FNIP2: variants seen among roughly 807,000 people sequenced by gnomAD.
FNIP2 encodes the protein folliculin-interacting protein 2.
In FNIP2, 32 loss-of-function variants were observed where a neutral mutation model predicts 108.7. The ratio of observed to expected loss-of-function variants is 0.29; its 90% CI spans 0.22 to 0.40. The LOEUF is 0.40. FNIP2 is among the 10% of genes least tolerant of loss of function. The probability of loss-of-function intolerance (pLI) is 1.00; values close to 1 mark genes in which losing one functional copy is unlikely to be tolerated. For missense variants in FNIP2, 1,202 were observed against 1,381.6 expected (o/e 0.87, Z 2.06); for synonymous variants, 480 against 496.7 (o/e 0.97, Z 0.45).
intron 14 of FNIP2, among the ~76,000 whole-genome samples, chr4:158,883,123 G>A (rs1781786825): frequency 6.6e-6 from 1 of 150,706 alleles, no homozygotes; most frequent in African/African-American, 2.4e-5. Context: ...AAAAAAAAAT[G>A]AAGCCAAAGA....
chr4:158,804,701 A>G (rs568113590), intron 1 of FNIP2, among the ~76,000 whole-genome samples: 4 of 152,180 alleles, frequency 2.6e-5, no homozygotes, highest in Non-Finnish European at 5.9e-5. Flanking sequence ...CTTGATCTAC[A>G]GTAGTTTTCA....
intron 8 of FNIP2, among the ~76,000 whole-genome samples, chr4:158,853,882 A>C (rs1344480367): frequency 6.6e-6 from 1 of 152,200 alleles, no homozygotes; most frequent in Non-Finnish European, 1.5e-5. Flanking sequence ...AAGAAACTAA[A>C]AATGTTCTCA....
intron 1 of FNIP2, among the ~76,000 whole-genome samples, chr4:158,823,808 T>C (rs1246969600): frequency 1.3e-5 from 2 of 152,186 alleles, no homozygotes; most frequent in Non-Finnish European, 2.9e-5. Context: ...GTTTTGGGGC[T>C]GGCTCACACA....
chr4:158,801,779 G>C (rs1776771622), intron 1 of FNIP2, among the ~76,000 whole-genome samples: 1 of 152,186 alleles, frequency 6.6e-6, no homozygotes, highest in Non-Finnish European at 1.5e-5. Flanking sequence ...GAGCTCGTCA[G>C]ATGAGTTTAG....
intron 1 of FNIP2, among the ~76,000 whole-genome samples, chr4:158,810,898 A>C (rs1353696489): frequency 2.0e-5 from 3 of 152,190 alleles, no homozygotes; most frequent in Non-Finnish European, 4.4e-5. Flanking sequence ...ATGCTGGCTG[A>C]ACTGGTCCCC....
At chr4:158,881,704 C>T (rs1389896261) in intron 14 of FNIP2, among the ~76,000 whole-genome samples, 4 of 152,188 alleles carry the variant, frequency 2.6e-5, no homozygotes, top group African/African-American at 7.2e-5. Flanking sequence ...CTGCCAGCCT[C>T]GGCCTCCCGA....
At chr4:158,858,455 A>G (rs1203498757) in intron 8 of FNIP2, among the ~76,000 whole-genome samples, 1 of 152,218 alleles carries the variant, frequency 6.6e-6, no homozygotes, top group African/African-American at 2.4e-5. Flanking sequence ...GGCTGTCATC[A>G]TAGAAGCCGA....
intron 12 of FNIP2, 86 bp downstream of exon 12, chr4:158,861,862 C>A: frequency 6.9e-7 from 1 of 1,457,382 alleles, no homozygotes; most frequent in Non-Finnish European, 9.4e-7. Flanking sequence ...CCGGCTCTCT[C>A]ACCCAGTAAT....
At chr4:158,869,989 T>C (rs1431440307) in intron 13 of FNIP2, among the ~76,000 whole-genome samples, 4 of 152,254 alleles carry the variant, frequency 2.6e-5, no homozygotes, top group African/African-American at 9.6e-5. Context: ...TATGTCAGAT[T>C]CCTAAAGCCA....
chr4:158,858,211 A>C (rs1185110327), intron 8 of FNIP2, among the ~76,000 whole-genome samples: 3 of 152,158 alleles, frequency 2.0e-5, no homozygotes, highest in African/African-American at 7.2e-5. Flanking sequence ...TAGATGATGG[A>C]GTTAGAAAGA....
intron 7 of FNIP2, chr4:158,836,376 C>G (rs1316418422): frequency 6.6e-6 from 1 of 152,188 alleles, no homozygotes; most frequent in Non-Finnish European, 1.5e-5. Context: ...TGATTTGTTA[C>G]TGAGTCTCCA....
At chr4:158,891,221 CTTTGA>C (rs1193911775) in intron 14 of FNIP2, among the ~76,000 whole-genome samples, 2 of 135,856 alleles carry the variant, frequency 1.5e-5, no homozygotes, top group African/African-American at 2.7e-5. Context: ...AGCAGTTACA[CTTTGA>C]TTTGTTTTGA....
At chr4:158,860,474 C>G (rs1168152065) in intron 10 of FNIP2, among the ~76,000 whole-genome samples, 2 of 151,958 alleles carry the variant, frequency 1.3e-5, no homozygotes, top group African/African-American at 4.8e-5. Flanking sequence ...TACTTATTAT[C>G]TGGTGATTGC....
rs753393286 is a variant in FNIP2 at position 158,851,373 on chromosome 4, A to G, written c.780A>G (p.Thr260=). Reference sequence around the variant, plus strand: ...CTTTCCCATCTCCAAGCTCCTCTACATCTTCTTCCAGCAGTTACCAGCGCC... The same window carrying G: ...CTTTCCCATCTCCAAGCTCCTCTACGTCTTCTTCCAGCAGTTACCAGCGCC... The part of the protein sequence containing the change: ...ITPFPSPSSS[T]SSSSSYQRRW... Residue 260 remains threonine, a synonymous_variant, in exon 8 of 17, where the codon ACA becomes ACG. Coordinates refer to ENST00000264433, the MANE Select transcript of FNIP2 (RefSeq NM_020840.3). 4 of 1,613,984 alleles carry G rather than the reference A, an allele frequency of 2.5e-6. No homozygotes were observed. The highest frequency in any genetic ancestry group is 2.5e-6 in the Non-Finnish European group (3 of 1,179,876).
rs549559937 is a variant in FNIP2, at chr4:158,773,986, A to C, written c.107+4667A>C. On this transcript the variant is annotated intron_variant, in intron 1 of 16. Transcript: ENST00000264433. Reference sequence around the variant, plus strand: ...CACACAATGGATGACATTCTATAGCATCCAAATCATAATTTTATACACAGA... The same window carrying C: ...CACACAATGGATGACATTCTATAGCCTCCAAATCATAATTTTATACACAGA... Among the ~76,000 whole-genome samples the C allele has an allele frequency of 2.6e-5, 4 of 152,372 alleles. No individual in the cohort carries two copies. The East Asian group carries it at 7.7e-4, about 29-fold the overall frequency.
At chr4:158,800,369 G>A (rs1443355637) in intron 1 of FNIP2, among the ~76,000 whole-genome samples, 1 of 152,084 alleles carries the variant, frequency 6.6e-6, no homozygotes, top group Non-Finnish European at 1.5e-5. Flanking sequence ...TACTTTTGCT[G>A]GTTTTTATAA....
chr4:158,890,263 T>C (rs1782213144), intron 14 of FNIP2: 3 of 984,214 alleles, frequency 3.0e-6, no homozygotes, highest in Non-Finnish European at 3.6e-6. Context: ...TTATATCTTT[T>C]TAAACCCTTA....
chr4:158,883,027 A>G (rs1485905212), intron 14 of FNIP2, among the ~76,000 whole-genome samples: 1 of 151,940 alleles, frequency 6.6e-6, no homozygotes, highest in African/African-American at 2.4e-5. Context: ...TTTATATATT[A>G]CTCATTTATT....
chr4:158,900,240 C>T lies in FNIP2; in HGVS notation c.3267-4226C>T, dbSNP rs1032788909. Among the ~76,000 whole-genome samples, 8 of 151,994 alleles carry T rather than the reference C, an allele frequency of 5.3e-5. No individual in the cohort carries two copies. In the East Asian group the frequency reaches 9.6e-4, roughly 18 times the overall value. The stretch of plus-strand genomic sequence containing the variant: ...ATGATTTCCATTCTTTTGCATTTGC[C>T]GAGGAGTGTTTTACTTCCAATTTTG... On this transcript the variant is annotated intron_variant, in intron 16 of 16. Coordinates refer to ENST00000264433, the MANE Select transcript of FNIP2 (RefSeq NM_020840.3).
Sources: gnomAD v4.1 joint callset for allele counts (sites outside exome capture counted in the v4.1 genomes callset) on GRCh38, gnomAD v4.1.1 for gene constraint, MANE v1.5 for transcripts, NCBI Gene and HGNC (gene_info 2026-07-23, HGNC 2026-07-21) for gene names.